ICMT: variants seen among roughly 807,000 people sequenced by gnomAD.
ICMT encodes the protein protein-S-isoprenylcysteine O-methyltransferase.
ICMT carries 10 observed loss-of-function variants against 32.2 expected under a neutral mutation model. The ratio of observed to expected loss-of-function variants is 0.31; its 90% CI spans 0.19 to 0.53. The LOEUF is 0.53. ICMT is among the 20% of genes least tolerant of loss of function. The pLI is 0.96. For synonymous variants in ICMT, 183 were observed against 158.2 expected (o/e 1.16, Z -1.18); for missense variants, 265 against 356.9 (o/e 0.74, Z 2.07).
Position 6,221,348 on chromosome 1 carries a change from CTG to C in ICMT, c.*3730_*3731del, listed in dbSNP as rs1423077572. 1 of 152,646 alleles carries C rather than the reference CTG, an allele frequency of 6.6e-6. No individual in the cohort carries two copies. The highest frequency in any genetic ancestry group is 2.4e-5 in the African/African-American group (1 of 41,450). The allele number at this position is 152,646 out of a possible 1,614,324, so 9.5% of individuals were successfully genotyped here. On this transcript the variant is annotated 3_prime_UTR_variant, in exon 5 of 5. Coordinates refer to ENST00000343813, the MANE Select transcript of ICMT (RefSeq NM_012405.4). The stretch of plus-strand genomic sequence containing the variant: ...GTTCCTCTCCTTGCAATGGGATAGG[CTG>C]CCTCTGCTGCAGATGGCTGGGTCTT...
chr1:6,229,827 G>A (rs1668705686), intron 4 of ICMT, among the ~76,000 whole-genome samples: 1 of 145,428 alleles, frequency 6.9e-6, no homozygotes, highest in Non-Finnish European at 1.5e-5. Context: ...CACACACATA[G>A]AGCAGGTGCA....
At chr1:6,231,179 AAAAG>A (rs201820379) in intron 4 of ICMT, among the ~76,000 whole-genome samples, 5,898 of 152,004 alleles carry the variant, frequency 0.039, 121 homozygotes, top group Middle Eastern at 0.061. Context: ...TCAAAAAAAA[AAAAG>A]AAAGAAAGAA....
At chr1:6,228,052 C>A (rs1336436724) in intron 4 of ICMT, among the ~76,000 whole-genome samples, 1 of 152,194 alleles carries the variant, frequency 6.6e-6, no homozygotes, top group Non-Finnish European at 1.5e-5. Flanking sequence ...ATAGTCCCAG[C>A]TACTCAGGAG....
At chr1:6,230,008 T>C (rs1668708166) in intron 4 of ICMT, among the ~76,000 whole-genome samples, 1 of 151,686 alleles carries the variant, frequency 6.6e-6, no homozygotes, top group South Asian at 2.1e-4. Context: ...GCTGGAATTA[T>C]AAGTAAGAAC....
At chr1:6,235,100 GA>G in intron 1 of ICMT, 126 bp from the exon 2 acceptor site, 1 of 706,802 alleles carries the variant, frequency 1.4e-6, no homozygotes, top group African/African-American at 1.8e-5. Flanking sequence ...GGTTGAAAGG[GA>G]GAAGTGGGCG....
At chr1:6,232,396 AC>A (rs1434908649) in intron 3 of ICMT, among the ~76,000 whole-genome samples, 1 of 152,114 alleles carries the variant, frequency 6.6e-6, no homozygotes, top group East Asian at 1.9e-4. Flanking sequence ...CTGGTTCACG[AC>A]CCCCGGCCAC....
intron 3 of ICMT, among the ~76,000 whole-genome samples, 164 bp downstream of exon 3, chr1:6,233,310 T>C (rs531832170): frequency 6.6e-6 from 1 of 152,366 alleles, no homozygotes; most frequent in East Asian, 1.9e-4. Context: ...AGAGGCAGAA[T>C]TCATGAGCGG....
chr1:6,221,738 G>A lies in ICMT; in HGVS notation c.*3342C>T, dbSNP rs1045905244. 2 of 152,280 alleles carry A rather than the reference G, an allele frequency of 1.3e-5. No individual in the cohort carries two copies. The highest frequency in any genetic ancestry group is 4.8e-5 in the African/African-American group (2 of 41,462). 9.4% of individuals were successfully genotyped at this position (152,280 alleles called of 1,614,324 possible). On this transcript the variant is annotated 3_prime_UTR_variant, in exon 5 of 5. Coordinates refer to ENST00000343813, the MANE Select transcript of ICMT (RefSeq NM_012405.4). ...TTAGGCTCAAGGAGCAGCTCGTGAAGGGGTGGCAGGTGCGCTGCTGCCTTG... is the reference window on the plus strand; with the variant it reads ...TTAGGCTCAAGGAGCAGCTCGTGAAAGGGTGGCAGGTGCGCTGCTGCCTTG...
rs1245946829 is a variant in ICMT at position 6,222,963 on chromosome 1, T to C, written c.*2117A>G. Reference sequence around the variant, plus strand: ...TTAGAAATGATTCAACTCAAGTTCCTAAACAGAGTAAGTGCCAGTTGATGT... The same window carrying C: ...TTAGAAATGATTCAACTCAAGTTCCCAAACAGAGTAAGTGCCAGTTGATGT... On this transcript the variant is annotated 3_prime_UTR_variant, in exon 5 of 5. Transcript: ENST00000343813. The C allele has an allele frequency of 6.6e-6, 1 of 152,248 alleles. No individual in the cohort carries two copies. The highest frequency in any genetic ancestry group is 1.5e-5 in the Non-Finnish European group (1 of 68,048). 9.4% of individuals were successfully genotyped at this position (152,248 alleles called of 1,614,324 possible). A position where few individuals can be genotyped will look rare whatever the true frequency, so the allele number is the denominator to read the frequency against.
At chr1:6,234,630 C>G (rs571316715) in intron 2 of ICMT, 1 of 535,508 alleles carries the variant, frequency 1.9e-6, no homozygotes, top group Non-Finnish European at 3.4e-6. Flanking sequence ...AATGCTGTCA[C>G]CACAGCTGCG....
chr1:6,232,574 G>A (rs1668754038), intron 3 of ICMT, among the ~76,000 whole-genome samples: 1 of 152,208 alleles, frequency 6.6e-6, no homozygotes, highest in South Asian at 2.1e-4. Context: ...TTGAGACGGA[G>A]TTTCACTCTC....
Position 6,231,544 on chromosome 1 carries a change from C to CAA in ICMT, c.672+356_672+357dup, listed in dbSNP as rs35257483. Among the ~76,000 whole-genome samples the CAA allele has an allele frequency of 6.8e-4, 88 of 129,826 alleles. 1 individual carries two copies. The highest frequency in any genetic ancestry group is 1.7e-3 in the African/African-American group (63 of 36,912). 85.2% of individuals were successfully genotyped at this position (129,826 alleles called of 152,430 possible). On this transcript the variant is annotated intron_variant, in intron 4 of 4. Transcript: ENST00000343813. Reference sequence around the variant, plus strand: ...CAACACAGTAAGACCCTGTCTCTACCAAAAAAAAAAAAAGAAAAAAGAAAA... The same window carrying CAA: ...CAACACAGTAAGACCCTGTCTCTACCAAAAAAAAAAAAAAAGAAAAAAGAAAA...
rs551019389 is a variant in ICMT, at chr1:6,231,828, C to G, written c.672+74G>C. ...ATATTTTGAAATGGTGACTTTTATGCTACGTGAATATCACGTTTAAAATGT... is the reference window on the plus strand; with the variant it reads ...ATATTTTGAAATGGTGACTTTTATGGTACGTGAATATCACGTTTAAAATGT... On this transcript the variant is annotated intron_variant, in intron 4 of 4. Transcript: ENST00000343813. The G allele has an allele frequency of 2.9e-5, 27 of 928,558 alleles. No individual in the cohort carries two copies. In the African/African-American group the frequency reaches 3.9e-4, roughly 13 times the overall value. 57.5% of individuals were successfully genotyped at this position (928,558 alleles called of 1,614,324 possible).
intron 2 of ICMT, among the ~76,000 whole-genome samples, chr1:6,234,063 G>C (rs1217333499): frequency 4.6e-5 from 7 of 152,150 alleles, no homozygotes. Context: ...TGGCAAGGCT[G>C]GTCTCGAACT....
intron 1 of ICMT, among the ~76,000 whole-genome samples, chr1:6,235,422 A>G (rs1222759955): frequency 6.6e-6 from 1 of 152,118 alleles, no homozygotes; most frequent in Non-Finnish European, 1.5e-5. Context: ...TTGACCTGAG[A>G]CAGGGCAGCA....
intron 4 of ICMT, among the ~76,000 whole-genome samples, chr1:6,227,249 G>A (rs1029903432): frequency 2.0e-5 from 3 of 152,234 alleles, no homozygotes; most frequent in African/African-American, 4.8e-5. Flanking sequence ...CAGGAAGCAA[G>A]CATTTATGGC....
intron 3 of ICMT, among the ~76,000 whole-genome samples, chr1:6,232,777 A>G (rs868859362): frequency 2.1e-4 from 32 of 151,674 alleles, no homozygotes; most frequent in African/African-American, 7.8e-4. Context: ...CAAACTCCTG[A>G]CCTCATGTGA....
At chr1:6,228,475 T>G (rs1668678878) in intron 4 of ICMT, among the ~76,000 whole-genome samples, 1 of 152,076 alleles carries the variant, frequency 6.6e-6, no homozygotes, top group South Asian at 2.1e-4. Context: ...CCCAAGTAGC[T>G]GGGACTACAG....
intron 4 of ICMT, among the ~76,000 whole-genome samples, chr1:6,225,901 G>A (rs1462747243): frequency 3.3e-5 from 5 of 151,540 alleles, no homozygotes; most frequent in East Asian, 2.0e-4. Context: ...ACTCTGTCAC[G>A]TGGAGTGCAG....
Sources: allele counts gnomAD v4.1 joint callset (sites outside exome capture counted in the v4.1 genomes callset), GRCh38; gene constraint gnomAD v4.1.1; transcripts MANE v1.5; gene names NCBI Gene and HGNC (gene_info 2026-07-23, HGNC 2026-07-21).